The following SGCZ variants were observed in gnomAD, a reference collection of about 807,000 sequenced individuals.
SGCZ encodes sarcoglycan zeta, also known as zeta-sarcoglycan.
A neutral mutation model predicts 41.3 loss-of-function variants in SGCZ; 40 were observed. The observed-to-expected ratio is 0.97, with a 90% CI of 0.75 to 1.26. SGCZ has a LOEUF of 1.26. Ranked by LOEUF, SGCZ falls within the 50% of genes most tolerant of loss-of-function variation. The probability of loss-of-function intolerance (pLI) is 0.00; values close to 1 mark genes in which losing one functional copy is unlikely to be tolerated. For synonymous variants in SGCZ, 206 were observed against 137.5 expected (o/e 1.50, Z -3.49); for missense variants, 552 against 369.8 (o/e 1.49, Z -4.04).
At chr8:14,903,686 G>C (rs997240393) in intron 1 of SGCZ, among the ~76,000 whole-genome samples, 1 of 151,996 alleles carries the variant, frequency 6.6e-6, no homozygotes, top group African/African-American at 2.4e-5. Context: ...TATTACTGGA[G>C]ACTTATGTAT....
At chr8:14,537,378 A>G (rs1353266449) in intron 2 of SGCZ, among the ~76,000 whole-genome samples, 5 of 152,024 alleles carry the variant, frequency 3.3e-5, no homozygotes, top group African/African-American at 1.2e-4. Context: ...ACCTATGTCA[A>G]TGTGGGGACT....
chr8:14,267,191 A>C (rs1019897304), intron 3 of SGCZ, among the ~76,000 whole-genome samples: 6 of 152,084 alleles, frequency 3.9e-5, no homozygotes, highest in Admixed American at 6.6e-5. Context: ...GGATTAAGTA[A>C]TATCCTTGAC....
At chr8:15,147,210 C>T (rs911334041) in intron 1 of SGCZ, among the ~76,000 whole-genome samples, 2 of 152,178 alleles carry the variant, frequency 1.3e-5, no homozygotes, top group Admixed American at 1.3e-4. Context: ...CTACTCCCAA[C>T]ACATTCTATC....
chr8:14,229,695 C>T (rs1225732800), intron 4 of SGCZ, among the ~76,000 whole-genome samples: 1 of 151,720 alleles, frequency 6.6e-6, no homozygotes, highest in South Asian at 2.1e-4. Context: ...AATTTGGAAC[C>T]TGAGAATAAT....
intron 2 of SGCZ, among the ~76,000 whole-genome samples, chr8:14,440,201 A>T (rs1403723827): frequency 1.3e-5 from 2 of 152,052 alleles, no homozygotes; most frequent in Non-Finnish European, 2.9e-5. Flanking sequence ...TTTTTTGCCT[A>T]TATGTCATAG....
At chr8:15,001,585 C>A (rs1002367876) in intron 1 of SGCZ, among the ~76,000 whole-genome samples, 3 of 151,776 alleles carry the variant, frequency 2.0e-5, no homozygotes, top group Non-Finnish European at 2.9e-5. Context: ...AAAAATAAGC[C>A]GGACATGTTG....
intron 1 of SGCZ, among the ~76,000 whole-genome samples, chr8:14,720,263 C>T (rs918404420): frequency 2.0e-5 from 3 of 151,386 alleles, no homozygotes; most frequent in Non-Finnish European, 3.0e-5. Flanking sequence ...TGAACGATGC[C>T]CACTGAAAAA....
chr8:14,090,569 G>C lies in SGCZ; in HGVS notation c.813C>G (p.Pro271=), dbSNP rs1424537725. 2 of 1,612,840 alleles carry C rather than the reference G, an allele frequency of 1.2e-6. No homozygotes were observed. Among genetic ancestry groups the C allele is most frequent in the African/African-American group, 2.7e-5 (2 of 74,812 alleles). Residue 271 remains proline, a synonymous_variant, in exon 8 of 8, where the codon CCC becomes CCG. Transcript: ENST00000382080. ...LPTGSFSSSS[P]SSSSSRQTVY... is the part of the protein sequence containing the mutation. ...CTGTCTGTCGAGAACTTGAGGAGCT[G>C]GGTGAAGAAGATGAGAAGGAGCCAG...
Position 14,471,777 on chromosome 8 carries a change from T to C in SGCZ, c.234+82955A>G, listed in dbSNP as rs138012254. Among the ~76,000 whole-genome samples the C allele has an allele frequency of 1.6e-3, 251 of 152,198 alleles. 1 individual carries two copies. In the Middle Eastern group the frequency reaches 0.024, roughly 15 times the overall value. On this transcript the variant is annotated intron_variant, in intron 2 of 7. Transcript: ENST00000382080. ...TTTAAGAAATCACTCCAAGTGTTAA[T>C]TTAAACATGAAATACATATCTGCCA...
chr8:15,058,590 T>C (rs529378465), intron 1 of SGCZ, among the ~76,000 whole-genome samples: 1 of 152,330 alleles, frequency 6.6e-6, no homozygotes, highest in East Asian at 1.9e-4. Context: ...CTGTGCTTAA[T>C]AGACAAATTT....
intron 1 of SGCZ, among the ~76,000 whole-genome samples, chr8:14,755,337 T>C (rs991831208): frequency 6.6e-6 from 1 of 152,198 alleles, no homozygotes; most frequent in African/African-American, 2.4e-5. Flanking sequence ...TTTGTTGTTA[T>C]TGAACACATT....
intron 2 of SGCZ, among the ~76,000 whole-genome samples, chr8:14,405,088 A>C (rs7465081): frequency 0.45 from 68,679 of 151,914 alleles, 16,875 homozygotes; most frequent in African/African-American, 0.66. Flanking sequence ...CCTGCTAACT[A>C]CTTTCCTTCT....
At chr8:14,896,636 C>A (rs912339420) in intron 1 of SGCZ, among the ~76,000 whole-genome samples, 22 of 151,942 alleles carry the variant, frequency 1.4e-4, no homozygotes, top group Admixed American at 2.0e-4. Context: ...TCCACCACAC[C>A]TGGCTAATTT....
chr8:14,107,088 C>G (rs543814869), intron 6 of SGCZ, among the ~76,000 whole-genome samples: 8 of 151,886 alleles, frequency 5.3e-5, no homozygotes, highest in Non-Finnish European at 1.5e-5. Flanking sequence ...CAATGGCGGG[C>G]GCCTGTAGTC....
rs895336184 is a variant in SGCZ at position 14,389,891 on chromosome 8, C to A, written c.235-65687G>T. On this transcript the variant is annotated intron_variant, in intron 2 of 7. Coordinates refer to ENST00000382080, the MANE Select transcript of SGCZ (RefSeq NM_139167.4). The stretch of plus-strand genomic sequence containing the variant: ...GCCATATGAAACTAATTGTAAAGCA[C>A]TGACCAAGGGTATCAGAACTTCTCA... Among the ~76,000 whole-genome samples the A allele has an allele frequency of 4.6e-5, 7 of 152,060 alleles. 1 individual carries two copies. The highest frequency in any genetic ancestry group is 4.6e-4 in the Admixed American group (7 of 15,228).
chr8:14,576,963 A>C (rs550872457), intron 1 of SGCZ, among the ~76,000 whole-genome samples: 1 of 152,326 alleles, frequency 6.6e-6, no homozygotes, highest in South Asian at 2.1e-4. Context: ...TCTTCACCCA[A>C]AAGGCCCTTC....
intron 1 of SGCZ, among the ~76,000 whole-genome samples, chr8:15,129,492 T>C (rs922153764): frequency 2.0e-5 from 3 of 152,152 alleles, no homozygotes; most frequent in African/African-American, 7.2e-5. Flanking sequence ...TGCCATCAAA[T>C]GTCCTCTCAT....
chr8:14,478,429 A>G (rs1408758647), intron 2 of SGCZ, among the ~76,000 whole-genome samples: 1 of 152,260 alleles, frequency 6.6e-6, no homozygotes, highest in Non-Finnish European at 1.5e-5. Flanking sequence ...GAAGCCAATC[A>G]GAAAATGCTA....
At chr8:14,330,433 T>C (rs1344655068) in intron 2 of SGCZ, among the ~76,000 whole-genome samples, 1 of 152,086 alleles carries the variant, frequency 6.6e-6, no homozygotes, top group Non-Finnish European at 1.5e-5. Context: ...TTTAGCATAA[T>C]TTTCTTTTTT....
Sources: gnomAD v4.1 joint callset for allele counts (sites outside exome capture counted in the v4.1 genomes callset) on GRCh38, gnomAD v4.1.1 for gene constraint, MANE v1.5 for transcripts, NCBI Gene and HGNC (gene_info 2026-07-23, HGNC 2026-07-21) for gene names.